ERBB4: variants seen among roughly 807,000 people sequenced by gnomAD.
ERBB4 encodes erb-b2 receptor tyrosine kinase 4.
In ERBB4, 42 loss-of-function variants were observed where a neutral mutation model predicts 158.0. That is an observed-to-expected ratio of 0.27 (90% CI 0.21 to 0.34). The LOEUF (loss-of-function observed/expected upper bound fraction) is 0.34. Among genes scored for constraint, ERBB4 ranks in the 10% least tolerant of loss-of-function variants. The probability of loss-of-function intolerance (pLI) is 1.00; values close to 1 mark genes in which losing one functional copy is unlikely to be tolerated. For missense variants in ERBB4, 1,333 were observed against 1,624.1 expected (o/e 0.82, Z 3.08); for synonymous variants, 583 against 558.7 (o/e 1.04, Z -0.61).
intron 2 of ERBB4, among the ~76,000 whole-genome samples, chr2:212,040,881 C>T (rs958864027): frequency 2.6e-5 from 4 of 152,124 alleles, no homozygotes; most frequent in Non-Finnish European, 1.5e-5. Flanking sequence ...TCTCTTCTGC[C>T]TATCTAGACC....
At chr2:212,522,208 C>T (rs913573751) in intron 1 of ERBB4, among the ~76,000 whole-genome samples, 21 of 151,930 alleles carry the variant, frequency 1.4e-4, no homozygotes, top group Non-Finnish European at 2.5e-4. Flanking sequence ...TTAATTTCTC[C>T]GAGCTTCTGT....
chr2:212,240,724 T>TC (rs755240982), intron 1 of ERBB4, among the ~76,000 whole-genome samples: 4 of 149,114 alleles, frequency 2.7e-5, no homozygotes, highest in African/African-American at 9.9e-5. Flanking sequence ...TGTGCTAAGT[T>TC]CCCCCCAGTT....
chr2:211,633,169 G>A (rs1448419431), intron 16 of ERBB4, among the ~76,000 whole-genome samples: 4 of 152,104 alleles, frequency 2.6e-5, no homozygotes, highest in Non-Finnish European at 5.9e-5. Context: ...GATATAAAAT[G>A]TACTCCTGCA....
At chr2:212,122,614 A>G (rs1034507795) in intron 2 of ERBB4, among the ~76,000 whole-genome samples, 9 of 152,048 alleles carry the variant, frequency 5.9e-5, no homozygotes, top group Admixed American at 5.9e-4. Context: ...GTTCATTCTA[A>G]TAATGTATCT....
At chr2:212,033,527 G>T (rs2076948653) in intron 2 of ERBB4, among the ~76,000 whole-genome samples, 1 of 151,716 alleles carries the variant, frequency 6.6e-6, no homozygotes, top group South Asian at 2.1e-4. Flanking sequence ...ACAGAAAAGG[G>T]AATTATGTAA....
At chr2:211,499,248 G>T (rs2065554221) in intron 20 of ERBB4, among the ~76,000 whole-genome samples, 1 of 152,032 alleles carries the variant, frequency 6.6e-6, no homozygotes, top group Admixed American at 6.5e-5. Context: ...ACTCAGGCCG[G>T]GTGCCGTGGC....
At chr2:212,481,164 TTACA>T (rs72050730) in intron 1 of ERBB4, among the ~76,000 whole-genome samples, 18,767 of 151,874 alleles carry the variant, frequency 0.12, 1,268 homozygotes, top group Non-Finnish European at 0.16. Context: ...TATCTGTAAA[TTACA>T]TACAACAAAT....
At chr2:211,526,729 A>T (rs1468651320) in intron 20 of ERBB4, among the ~76,000 whole-genome samples, 3 of 152,010 alleles carry the variant, frequency 2.0e-5, no homozygotes, top group Non-Finnish European at 4.4e-5. Context: ...CTATCAGATA[A>T]CTTAAACAAA....
chr2:211,699,378 G>A (rs1170547191), intron 12 of ERBB4, among the ~76,000 whole-genome samples: 3 of 152,116 alleles, frequency 2.0e-5, no homozygotes, highest in Admixed American at 6.6e-5. Flanking sequence ...CATTTACAGT[G>A]CATTTAAAAT....
intron 16 of ERBB4, among the ~76,000 whole-genome samples, chr2:211,647,078 T>G (rs2070803339): frequency 6.6e-6 from 1 of 151,688 alleles, no homozygotes; most frequent in Non-Finnish European, 1.5e-5. Flanking sequence ...CTTACCAAAG[T>G]TATACATTTA....
At chr2:212,381,229 G>T (rs1332039147) in intron 1 of ERBB4, among the ~76,000 whole-genome samples, 2 of 151,286 alleles carry the variant, frequency 1.3e-5, no homozygotes, top group Non-Finnish European at 1.5e-5. Flanking sequence ...ACAAAAATTA[G>T]ATGAGTCAGT....
intron 14 of ERBB4, among the ~76,000 whole-genome samples, chr2:211,671,310 T>C (rs934378230): frequency 2.6e-5 from 4 of 152,148 alleles, no homozygotes; most frequent in Non-Finnish European, 5.9e-5. Flanking sequence ...CCTAACAATA[T>C]GTATACTCAT....
intron 1 of ERBB4, among the ~76,000 whole-genome samples, chr2:212,219,296 G>T (rs191832815): frequency 5.4e-4 from 82 of 151,370 alleles, no homozygotes; most frequent in Non-Finnish European, 1.0e-3. Flanking sequence ...TAAATGGTAG[G>T]GTGAAGTTTG....
At chr2:211,715,505 T>C (rs560825187) in intron 7 of ERBB4, among the ~76,000 whole-genome samples, 4 of 152,298 alleles carry the variant, frequency 2.6e-5, no homozygotes, top group African/African-American at 9.6e-5. Context: ...TGGATCTGTG[T>C]CCCCACCCAA....
intron 20 of ERBB4, among the ~76,000 whole-genome samples, chr2:211,520,914 T>C (rs1368794584): frequency 6.6e-6 from 1 of 152,170 alleles, no homozygotes; most frequent in Non-Finnish European, 1.5e-5. Flanking sequence ...TCATGAATCA[T>C]GCCCATATAA....
At chr2:211,563,490 T>A (rs1328125379) in intron 19 of ERBB4, among the ~76,000 whole-genome samples, 1 of 152,196 alleles carries the variant, frequency 6.6e-6, no homozygotes, top group Non-Finnish European at 1.5e-5. Flanking sequence ...GTAAAAGAAG[T>A]GTATGATGTT....
At chr2:211,658,106 G>C (rs1382712506) in intron 15 of ERBB4, 5 of 728,242 alleles carry the variant, frequency 6.9e-6, no homozygotes, top group Non-Finnish European at 1.1e-5. Flanking sequence ...GACTATTTTG[G>C]AACACAATGA....
chr2:212,278,748 A>T (rs1420823189), intron 1 of ERBB4, among the ~76,000 whole-genome samples: 1 of 151,646 alleles, frequency 6.6e-6, no homozygotes, highest in Non-Finnish European at 1.5e-5. Context: ...TCTTCACTTT[A>T]AAAAAAGCTA....
intron 20 of ERBB4, among the ~76,000 whole-genome samples, chr2:211,486,858 G>GA (rs1559216647): frequency 1.3e-5 from 2 of 152,056 alleles, no homozygotes; most frequent in Non-Finnish European, 2.9e-5. Flanking sequence ...ATATTTTCAG[G>GA]AAAAAGTTAG....
Sources: gnomAD v4.1 joint callset for allele counts (sites outside exome capture counted in the v4.1 genomes callset) on GRCh38, gnomAD v4.1.1 for gene constraint, MANE v1.5 for transcripts, NCBI Gene and HGNC (gene_info 2026-07-23, HGNC 2026-07-21) for gene names.